RAB4A: variants seen among roughly 807,000 people sequenced by gnomAD.
RAB4A encodes the protein RAB4A, member RAS oncogene family.
In RAB4A, 20 loss-of-function variants were observed where a neutral mutation model predicts 34.5. The observed-to-expected ratio is 0.58, with a 90% confidence interval of 0.41 to 0.84. The LOEUF (loss-of-function observed/expected upper bound fraction) is 0.84. Ranked by LOEUF, RAB4A falls within the 40% of genes least tolerant of loss-of-function variation. RAB4A has a pLI of 0.00. For missense variants in RAB4A, 228 were observed against 274.5 expected (o/e 0.83, Z 1.20); for synonymous variants, 102 against 100.0 (o/e 1.02, Z -0.12).
chr1:229,289,748 G>A (rs889224421), intron 3 of RAB4A, among the ~76,000 whole-genome samples: 6 of 152,190 alleles, frequency 3.9e-5, no homozygotes, highest in Non-Finnish European at 7.3e-5. Flanking sequence ...CCCGGGAGGT[G>A]GAGGTTGCAG....
At chr1:229,283,504 C>T (rs72749810) in intron 1 of RAB4A, among the ~76,000 whole-genome samples, 54 of 152,260 alleles carry the variant, frequency 3.5e-4, no homozygotes, top group African/African-American at 1.2e-3. Context: ...CTTGGCTGCC[C>T]CTTTTTTGGT....
At position 229,281,816 on chromosome 1, in the gene RAB4A, T is replaced by TTATATA. The variant is rs61184911; in HGVS notation, c.32-4644_32-4639dup. On this transcript the variant is annotated intron_variant, in intron 1 of 7. Transcript: ENST00000366690. Reference sequence around the variant, plus strand: ...TTCATATATACATAACTTATCATAGTTATATATATATATATATATATATAT... The same window carrying TTATATA: ...TTCATATATACATAACTTATCATAGTTATATATATATATATATATATATATATATAT... 5.8e-3 allele frequency among the ~76,000 whole-genome samples: 812 copies of TTATATA among 140,320 alleles called. 5 individuals are homozygous for TTATATA. The highest frequency in any genetic ancestry group is 0.012 in the African/African-American group (455 of 38,534). The allele number at this position is 140,320 out of a possible 152,430, so 92.1% of individuals were successfully genotyped here.
chr1:229,303,072 G>GAAAAAAAAAA, intron 7 of RAB4A, 83 bp downstream of exon 7: 2 of 1,014,112 alleles, frequency 2.0e-6, no homozygotes, highest in African/African-American at 1.6e-5. Context: ...GCTGCAGTAT[G>GAAAAAAAAAA]AAAAAGAGGG....
intron 4 of RAB4A, 77 bp from the exon 5 acceptor site, chr1:229,297,405 G>A: frequency 2.5e-5 from 36 of 1,421,180 alleles, no homozygotes; most frequent in Non-Finnish European, 3.1e-5. Context: ...AAAGCGGTAT[G>A]AGTAGTGAGA....
chr1:229,274,190 C>T (rs891097545), intron 1 of RAB4A, among the ~76,000 whole-genome samples: 2 of 151,122 alleles, frequency 1.3e-5, no homozygotes, highest in African/African-American at 4.9e-5. Flanking sequence ...GTAGCTGGGA[C>T]CACAGGTGCA....
intron 2 of RAB4A, 62 bp from the exon 3 acceptor site, chr1:229,288,667 T>C: frequency 2.3e-6 from 2 of 865,852 alleles, no homozygotes; most frequent in Non-Finnish European, 3.7e-6. Context: ...GTCACTTGTT[T>C]AAATCTATAA....
At chr1:229,275,775 C>T (rs1461272956) in intron 1 of RAB4A, among the ~76,000 whole-genome samples, 1 of 151,944 alleles carries the variant, frequency 6.6e-6, no homozygotes, top group African/African-American at 2.4e-5. Context: ...CGCCCGCCAC[C>T]ACACCTAGCT....
At position 229,297,585 on chromosome 1, in the gene RAB4A, G is replaced by A. The variant is rs1378551658; in HGVS notation, c.394G>A (p.Ala132Thr). 1 of 1,612,298 alleles carries A rather than the reference G, an allele frequency of 6.2e-7. No homozygotes were observed. The highest frequency in any genetic ancestry group is 2.2e-5 in the East Asian group (1 of 44,822). The change falls in exon 5 of 8, where the codon GCA (alanine) becomes ACA (threonine). Residue 132 changes from alanine (A) to threonine (T), a missense_variant. By Grantham distance (58) the Ala-to-Thr change is moderately conservative. Coordinates refer to ENST00000366690, the MANE Select transcript of RAB4A (RefSeq NM_004578.4). ...ILCGNKKDLD[A>T]DREVTFLEAS... ...TTGTGGAAACAAGAAGGACCTGGAT[G>A]CAGATCGTGAAGTTACCTTCTTAGA...
intron 1 of RAB4A, among the ~76,000 whole-genome samples, chr1:229,274,252 A>T (rs1371981604): frequency 6.8e-6 from 1 of 147,406 alleles, no homozygotes; most frequent in Non-Finnish European, 1.5e-5. Flanking sequence ...TTTTGTAGAG[A>T]CGAGGTCTCT....
chr1:229,303,007 C>A lies in RAB4A; in HGVS notation c.*12+18C>A. On this transcript the variant is annotated intron_variant, in intron 7 of 7. Coordinates refer to ENST00000366690, the MANE Select transcript of RAB4A (RefSeq NM_004578.4). ...GCACACAGGTGGGTTTGGACACCTC[C>A]CTGCCCTGAGTTCCTGGCAAGCTCA... 1 of 1,546,662 alleles carries A rather than the reference C, an allele frequency of 6.5e-7. No individual in the cohort carries two copies. The highest frequency in any genetic ancestry group is 8.9e-7 in the Non-Finnish European group (1 of 1,120,368).
intron 3 of RAB4A, among the ~76,000 whole-genome samples, chr1:229,290,194 C>T (rs1286703150): frequency 6.6e-6 from 1 of 152,176 alleles, no homozygotes; most frequent in African/African-American, 2.4e-5. Flanking sequence ...GTAGAGGTTA[C>T]AGAGGTTCAT....
At chr1:229,287,897 A>G (rs1167468968) in intron 2 of RAB4A, among the ~76,000 whole-genome samples, 1 of 152,230 alleles carries the variant, frequency 6.6e-6, no homozygotes, top group Non-Finnish European at 1.5e-5. Context: ...AATGGACTGT[A>G]TAGCTGCGAT....
At chr1:229,302,309 A>ATATATATTTTTTTT (rs1657431515) in intron 6 of RAB4A, among the ~76,000 whole-genome samples, 1 of 35,900 alleles carries the variant, frequency 2.8e-5, no homozygotes, top group African/African-American at 8.1e-5. Flanking sequence ...ATATATATAT[A>ATATATATTTTTTTT]TTTTTTTTTT....
rs1656679794 is a variant in RAB4A at position 229,277,443 on chromosome 1, T to C, written c.31+6073T>C. ...TTCTGCTGCCCAAACCTTCCACCTC[T>C]CCTAACCAGCATTTCATCAAGGTTC... On this transcript the variant is annotated intron_variant, in intron 1 of 7. Coordinates refer to ENST00000366690, the MANE Select transcript of RAB4A (RefSeq NM_004578.4). 1.3e-5 allele frequency among the ~76,000 whole-genome samples: 2 copies of C among 151,072 alleles called. 1 individual carries two copies. The highest frequency in any genetic ancestry group is 4.9e-5 in the African/African-American group (2 of 40,452).
chr1:229,288,672 C>A, intron 2 of RAB4A, 57 bp from the exon 3 acceptor site: 1 of 904,040 alleles, frequency 1.1e-6, no homozygotes. Flanking sequence ...TTGTTTAAAT[C>A]TATAAGCCTG....
chr1:229,288,672 C>T, intron 2 of RAB4A, 57 bp from the exon 3 acceptor site: 2 of 904,042 alleles, frequency 2.2e-6, no homozygotes, highest in South Asian at 3.0e-5. Context: ...TTGTTTAAAT[C>T]TATAAGCCTG....
intron 2 of RAB4A, among the ~76,000 whole-genome samples, chr1:229,288,493 T>C (rs978523193): frequency 3.3e-5 from 5 of 152,208 alleles, no homozygotes; most frequent in Middle Eastern, 3.2e-3. Context: ...GGTTTTTAAA[T>C]GTATCATTTG....
Position 229,299,066 on chromosome 1 carries a change from G to A in RAB4A, c.535G>A (p.Glu179Lys), listed in dbSNP as rs781054509. The change falls in exon 6 of 8, where the codon GAA becomes AAA. Residue 179 changes from glutamate (E) to lysine (K), a missense_variant. Coordinates refer to ENST00000366690, the MANE Select transcript of RAB4A (RefSeq NM_004578.4). ...QCARKILNKI[E>K]SGELDPERMG... Reference sequence around the variant, plus strand: ...TGCAAGAAAAATACTTAACAAAATCGAATCAGGTAAAAGCCTTTCCATTAA... The same window carrying A: ...TGCAAGAAAAATACTTAACAAAATCAAATCAGGTAAAAGCCTTTCCATTAA... 6 of 1,603,680 alleles carry A rather than the reference G, an allele frequency of 3.7e-6. No individual in the cohort carries two copies. In the Admixed American group the frequency reaches 7.0e-5, roughly 19 times the overall value.
In RAB4A at chr1:229,297,557, C is replaced by T. The variant is rs1657281736; in HGVS notation, c.366C>T (p.Ile122=). ...TAGCGAGCCAGAACATTGTGATCAT[C>T]CTTTGTGGAAACAAGAAGGACCTGG... ...RMLASQNIVI[I]LCGNKKDLDA... The change falls in exon 5 of 8, where the codon ATC becomes ATT. Residue 122 remains isoleucine, a synonymous_variant. Transcript: ENST00000366690. 1.2e-6 allele frequency: 2 copies of T among 1,613,184 alleles called. No individual in the cohort carries two copies. The highest frequency in any genetic ancestry group is 1.7e-6 in the Non-Finnish European group (2 of 1,179,898).
Sources: gnomAD v4.1 joint callset for allele counts (sites outside exome capture counted in the v4.1 genomes callset) on GRCh38, gnomAD v4.1.1 for gene constraint, MANE v1.5 for transcripts, NCBI Gene and HGNC (gene_info 2026-07-23, HGNC 2026-07-21) for gene names.